ADGRA1: variants seen among roughly 807,000 people sequenced by gnomAD.
ADGRA1 encodes the protein adhesion G protein-coupled receptor A1.
Under a neutral mutation model 21.3 loss-of-function variants are expected in ADGRA1, and 12 were observed. The observed-to-expected ratio is 0.56, with a 90% confidence interval of 0.36 to 0.91. The LOEUF (loss-of-function observed/expected upper bound fraction) is 0.91, where lower values mean the gene tolerates loss of function less well. ADGRA1 is among the 40% of genes least tolerant of loss of function. The probability of loss-of-function intolerance (pLI) is 0.01; values close to 1 mark genes in which losing one functional copy is unlikely to be tolerated. For missense variants in ADGRA1, 790 were observed against 805.6 expected (o/e 0.98, Z 0.23); for synonymous variants, 385 against 368.8 (o/e 1.04, Z -0.50).
At position 133,124,852 on chromosome 10, in the gene ADGRA1, G is replaced by A. The variant is rs1004083122; in HGVS notation, c.402-2381G>A. The stretch of plus-strand genomic sequence containing the variant: ...TTCCCCCGGCCCCGGCCCCGGCCCC[G>A]GCCCCGCGCCTGCACGTCCACGGCG... On this transcript the variant is annotated intron_variant, in intron 5 of 6. Transcript: ENST00000392607. Among the ~76,000 whole-genome samples, 84 of 152,260 alleles carry A rather than the reference G, an allele frequency of 5.5e-4. 4 individuals are homozygous for A. Among genetic ancestry groups the A allele is most frequent in the Non-Finnish European group, 1.6e-4 (11 of 68,012 alleles).
At chr10:133,108,329 C>T (rs1005942110) in intron 5 of ADGRA1, among the ~76,000 whole-genome samples, 1 of 152,224 alleles carries the variant, frequency 6.6e-6, no homozygotes, top group African/African-American at 2.4e-5. Context: ...CACCCTCAGC[C>T]TTGTAGGGGA....
At chr10:133,113,166 A>ATTTGAGGTCTGTGG in intron 5 of ADGRA1, among the ~76,000 whole-genome samples, 2 of 28,838 alleles carry the variant, frequency 6.9e-5, no homozygotes, top group Non-Finnish European at 1.3e-4. Context: ...GAGGTCTGTA[A>ATTTGAGGTCTGTGG]GCCGCGTCGG....
intron 5 of ADGRA1, among the ~76,000 whole-genome samples, chr10:133,108,368 C>T (rs972255681): frequency 2.9e-4 from 44 of 152,296 alleles, no homozygotes; most frequent in African/African-American, 9.1e-4. Context: ...GGTGCAGCCT[C>T]AACCGAGGAG....
chr10:133,098,632 T>A lies in ADGRA1; in HGVS notation c.132-8T>A, dbSNP rs1851731607. 1 of 1,605,858 alleles carries A rather than the reference T, an allele frequency of 6.2e-7. No individual in the cohort carries two copies. Among genetic ancestry groups the A allele is most frequent in the Admixed American group, 1.7e-5 (1 of 59,788 alleles). On this transcript the variant is annotated splice_region_variant and splice_polypyrimidine_tract_variant and intron_variant, in intron 3 of 6. Transcript: ENST00000392607. ...GCTCATGTGAAACCCTCCTTTCCCG[T>A]CCCACAGCGCCATCCGCATCAGCCG...
chr10:133,125,984 G>A (rs1325302423), intron 5 of ADGRA1, among the ~76,000 whole-genome samples: 2 of 152,224 alleles, frequency 1.3e-5, no homozygotes, highest in African/African-American at 2.4e-5. Flanking sequence ...TAAGAAGGGG[G>A]AGACAAATCT....
chr10:133,110,337 C>A (rs376688910), intron 5 of ADGRA1, among the ~76,000 whole-genome samples: 3 of 152,280 alleles, frequency 2.0e-5, no homozygotes, highest in East Asian at 3.8e-4. Context: ...GCTACGGAGC[C>A]TCACACTCTG....
intron 5 of ADGRA1, among the ~76,000 whole-genome samples, chr10:133,126,548 C>A (rs772497094): frequency 1.4e-4 from 21 of 152,146 alleles, no homozygotes; most frequent in Non-Finnish European, 2.4e-4. Flanking sequence ...CTCATGGGTC[C>A]GGGTGGGGGC....
chr10:133,092,839 GGGAAGGAAGGAAGGAAGGAA>G (rs879206917), intron 2 of ADGRA1, among the ~76,000 whole-genome samples: 3 of 75,612 alleles, frequency 4.0e-5, no homozygotes. Flanking sequence ...GAGGGAGGGA[GGGAAGGAAGGAAGGAAGGAA>G]GGAAGGAAGG....
In ADGRA1 at chr10:133,128,987, A is replaced by T. The variant is rs1159505161; in HGVS notation, c.1159A>T (p.Met387Leu). 1.9e-6 allele frequency: 3 copies of T among 1,565,626 alleles called. No homozygotes were observed. Among genetic ancestry groups the T allele is most frequent in the Non-Finnish European group, 2.6e-6 (3 of 1,156,214 alleles). The change falls in exon 7 of 7, where the codon ATG (methionine) becomes TTG (leucine). Residue 387 changes from methionine (M) to leucine (L), a missense_variant. Met to Leu is a conservative substitution (Grantham distance 15, BLOSUM62 2). Around this residue, in one of 3 missense-constraint regions of ADGRA1, gnomAD observed 391 missense variants for 351.5 expected, o/e 1.11. Transcript: ENST00000392607. Reference sequence around the variant, plus strand: ...ACCGGCCACCCCGTGCTGCGCCAAGATGCACTGCGAGCCACTGACGGCGGA... The same window carrying T: ...ACCGGCCACCCCGTGCTGCGCCAAGTTGCACTGCGAGCCACTGACGGCGGA... ...LSPATPCCAK[M>L]HCEPLTADEA...
At position 133,129,607 on chromosome 10, in the gene ADGRA1, C is replaced by T. The variant is rs1212543967; in HGVS notation, c.*96C>T. On this transcript the variant is annotated 3_prime_UTR_variant, in exon 7 of 7. Coordinates refer to ENST00000392607, the MANE Select transcript of ADGRA1 (RefSeq NM_001083909.3). Reference sequence around the variant, plus strand: ...GTCACTGGGGGTACCGAAGTGACCCCGCCTTTCAGAAGCCGTTCACACCCC... The same window carrying T: ...GTCACTGGGGGTACCGAAGTGACCCTGCCTTTCAGAAGCCGTTCACACCCC... 1.6e-5 allele frequency: 18 copies of T among 1,100,992 alleles called. No individual in the cohort carries two copies. The highest frequency in any genetic ancestry group is 1.4e-4 in the Admixed American group (5 of 36,724). The allele number at this position is 1,100,992 out of a possible 1,614,324, so 68.2% of individuals were successfully genotyped here.
chr10:133,102,983 A>C (rs1368467856), intron 5 of ADGRA1, 141 bp downstream of exon 5: 2 of 790,358 alleles, frequency 2.5e-6, no homozygotes, highest in African/African-American at 3.7e-5. Context: ...CAGTGTTCCC[A>C]GGGAGGGTGG....
In ADGRA1 at chr10:133,128,667, G is replaced by A. The variant is rs1214256848; in HGVS notation, c.839G>A (p.Gly280Asp). 1.2e-6 allele frequency: 2 copies of A among 1,610,632 alleles called. No individual in the cohort carries two copies. The highest frequency in any genetic ancestry group is 1.7e-5 in the Admixed American group (1 of 59,934). ...WAFGALAVSQ[G>D]HFLDMVFSCL... The stretch of plus-strand genomic sequence containing the variant: ...TTCGGGGCGCTGGCGGTGTCACAGG[G>A]CCACTTCCTGGACATGGTCTTCAGC... Residue 280 changes from glycine (G) to aspartate (D), a missense_variant, in exon 7 of 7, where the codon GGC becomes GAC. By Grantham distance (94) the Gly-to-Asp change is moderately conservative. Around this residue, in one of 3 missense-constraint regions of ADGRA1, gnomAD observed 382 missense variants for 415.6 expected, o/e 0.92. Transcript: ENST00000392607.
intron 2 of ADGRA1, among the ~76,000 whole-genome samples, chr10:133,096,551 C>T (rs1281152940): frequency 1.3e-5 from 2 of 152,250 alleles, no homozygotes; most frequent in Non-Finnish European, 2.9e-5. Context: ...GTGGGGCTCC[C>T]AGTGCAGGGC....
In ADGRA1 at chr10:133,130,683, A is replaced by G. The variant is rs1393398646; in HGVS notation, c.*1172A>G. ...ACACAAACACATGTGCATATCACACACATGCACACACACAAACACATGTGC... is the reference window on the plus strand; with the variant it reads ...ACACAAACACATGTGCATATCACACGCATGCACACACACAAACACATGTGC... On this transcript the variant is annotated 3_prime_UTR_variant, in exon 7 of 7. Coordinates refer to ENST00000392607, the MANE Select transcript of ADGRA1 (RefSeq NM_001083909.3). 1.3e-5 allele frequency: 2 copies of G among 152,080 alleles called. No homozygotes were observed. Among genetic ancestry groups the G allele is most frequent in the African/African-American group, 4.8e-5 (2 of 41,290 alleles). The allele number at this position is 152,080 out of a possible 1,614,324, so 9.4% of individuals were successfully genotyped here.
At chr10:133,100,196 T>C (rs1851765880) in intron 4 of ADGRA1, among the ~76,000 whole-genome samples, 1 of 152,212 alleles carries the variant, frequency 6.6e-6, no homozygotes, top group Non-Finnish European at 1.5e-5. Flanking sequence ...GGGCCCAGCA[T>C]GGCCCCGGCG....
At chr10:133,118,934 G>GCA (rs1487518301) in intron 5 of ADGRA1, among the ~76,000 whole-genome samples, 1 of 151,442 alleles carries the variant, frequency 6.6e-6, no homozygotes, top group Non-Finnish European at 1.5e-5. Flanking sequence ...CACATGCATT[G>GCA]CACACATGTG....
chr10:133,126,613 C>G (rs369818671), intron 5 of ADGRA1, among the ~76,000 whole-genome samples: 12 of 152,328 alleles, frequency 7.9e-5, no homozygotes, highest in South Asian at 6.2e-4. Context: ...CCGCTTGGAT[C>G]CCTGGGCGCC....
intron 5 of ADGRA1, among the ~76,000 whole-genome samples, chr10:133,112,690 C>G (rs867469935): frequency 1.7e-5 from 1 of 58,174 alleles, no homozygotes; most frequent in East Asian, 1.1e-3. Context: ...TTGGGGTCTA[C>G]GGGCCACGTC....
chr10:133,121,857 G>A (rs535696029), intron 5 of ADGRA1, among the ~76,000 whole-genome samples: 1 of 149,310 alleles, frequency 6.7e-6, no homozygotes, highest in Non-Finnish European at 1.5e-5. Flanking sequence ...GTGCGTGTGT[G>A]AATGAGTGCC....
Sources: allele counts gnomAD v4.1 joint callset (sites outside exome capture counted in the v4.1 genomes callset), GRCh38; gene constraint gnomAD v4.1.1; regional missense constraint gnomAD v4.1.1; transcripts MANE v1.5; gene names NCBI Gene and HGNC (gene_info 2026-07-23, HGNC 2026-07-21).